The following NSA2 variants were observed in gnomAD, a reference collection of about 807,000 sequenced individuals.
NSA2 encodes ribosome biogenesis protein NSA2 homolog.
In NSA2, 18 loss-of-function variants were observed where a neutral mutation model predicts 34.8. The ratio of observed to expected loss-of-function variants is 0.52; its 90% CI spans 0.36 to 0.77. The LOEUF (loss-of-function observed/expected upper bound fraction) is 0.77, where lower values mean the gene tolerates loss of function less well. Among genes scored for constraint, NSA2 ranks in the 30% least tolerant of loss-of-function variants. The probability of loss-of-function intolerance (pLI) is 0.00; values close to 1 mark genes in which losing one functional copy is unlikely to be tolerated. For missense variants in NSA2, 188 were observed against 314.7 expected (o/e 0.60, Z 3.05); for synonymous variants, 79 against 100.2 (o/e 0.79, Z 1.26).
intron 3 of NSA2, chr5:74,769,593 C>T (rs949842543): frequency 5.3e-6 from 2 of 377,926 alleles, no homozygotes; most frequent in African/African-American, 4.2e-5. Flanking sequence ...AATTAAAAAG[C>T]TGGTAAGGAG....
intron 1 of NSA2, among the ~76,000 whole-genome samples, chr5:74,767,597 GTTTTCTT>G (rs1330420262): frequency 6.6e-6 from 1 of 152,164 alleles, no homozygotes; most frequent in Non-Finnish European, 1.5e-5. Context: ...ACTCTGTCCT[GTTTTCTT>G]TTTTCTTTTT....
chr5:74,771,149 G>C (rs946156972), intron 4 of NSA2, among the ~76,000 whole-genome samples: 1 of 151,524 alleles, frequency 6.6e-6, no homozygotes, highest in Non-Finnish European at 1.5e-5. Context: ...GCGTGGTGGC[G>C]GGCGCCTGTA....
chr5:74,770,351 AC>A lies in NSA2; in HGVS notation c.343-278del, dbSNP rs896810804. On this transcript the variant is annotated intron_variant, in intron 3 of 5. Coordinates refer to ENST00000610426, the MANE Select transcript of NSA2 (RefSeq NM_014886.6). Reference sequence around the variant, plus strand: ...CCATCTAAAAAAAAAAAAAAAAAAAACCACCACATTACAGGTGGTATTTTCT... The same window carrying A: ...CCATCTAAAAAAAAAAAAAAAAAAAACACCACATTACAGGTGGTATTTTCT... 3.6e-4 allele frequency among the ~76,000 whole-genome samples: 55 copies of A among 150,922 alleles called. 1 individual carries two copies. The East Asian group carries it at 8.0e-3, about 22-fold the overall frequency.
intron 2 of NSA2, 26 bp from the exon 3 acceptor site, chr5:74,769,188 C>A (rs755249450): frequency 1.3e-6 from 2 of 1,594,408 alleles, no homozygotes; most frequent in East Asian, 4.5e-5. Flanking sequence ...AACAGATAAT[C>A]TTGAATCTTT....
intron 5 of NSA2, among the ~76,000 whole-genome samples, chr5:74,775,423 T>G (rs1745078365): frequency 6.6e-6 from 1 of 151,942 alleles, no homozygotes; most frequent in South Asian, 2.1e-4. Context: ...GAGACCAGCC[T>G]GGCCAACATG....
chr5:74,772,025 C>G (rs1170278602), intron 4 of NSA2, among the ~76,000 whole-genome samples: 3 of 151,852 alleles, frequency 2.0e-5, no homozygotes, highest in Non-Finnish European at 4.4e-5. Flanking sequence ...TTCAAAGAGA[C>G]TGAACTATTC....
intron 4 of NSA2, among the ~76,000 whole-genome samples, chr5:74,772,279 C>T (rs982849920): frequency 1.3e-5 from 2 of 151,992 alleles, no homozygotes; most frequent in Non-Finnish European, 2.9e-5. Flanking sequence ...TGCCCGCTAC[C>T]ACGCCCGGCT....
intron 1 of NSA2, among the ~76,000 whole-genome samples, chr5:74,768,375 C>A (rs1247398789): frequency 6.6e-6 from 1 of 152,120 alleles, no homozygotes; most frequent in Non-Finnish European, 1.5e-5. Flanking sequence ...TACTGTTGAT[C>A]CCTGTTTCAT....
chr5:74,773,036 C>T (rs901133641), intron 4 of NSA2, among the ~76,000 whole-genome samples: 4 of 152,150 alleles, frequency 2.6e-5, no homozygotes, highest in Non-Finnish European at 4.4e-5. Context: ...CAGTCCACTC[C>T]TTTTTTCATC....
At chr5:74,771,494 T>C (rs1019264458) in intron 4 of NSA2, 1 of 152,008 alleles carries the variant, frequency 6.6e-6, no homozygotes, top group African/African-American at 2.4e-5. Flanking sequence ...AAAACTTGAG[T>C]AGGACTGTTT....
chr5:74,768,940 G>A lies in NSA2; in HGVS notation c.13G>A (p.Glu5Lys). MPQN[E>K]YIELHRKRYG... ...TCTTCCATCATTATAGCCACAGAAT[G>A]AATATATTGAATTACACCGTAAACG... Residue 5 changes from glutamate (E) to lysine (K), a missense_variant, in exon 2 of 6, where the codon GAA (glutamate) becomes AAA (lysine). By Grantham distance (56) the Glu-to-Lys change is moderately conservative (BLOSUM62 1). Transcript: ENST00000610426. 3.2e-6 allele frequency: 5 copies of A among 1,574,076 alleles called. No individual in the cohort carries two copies. Among genetic ancestry groups the A allele is most frequent in the Non-Finnish European group, 4.3e-6 (5 of 1,166,174 alleles).
intron 1 of NSA2, 21 bp from the exon 2 acceptor site, chr5:74,768,910 A>C (rs771941037): frequency 1.3e-6 from 2 of 1,507,622 alleles, no homozygotes; most frequent in East Asian, 4.7e-5. Context: ...AATTAAAATA[A>C]TATTTCTTCC....
In NSA2 at chr5:74,770,771, A is replaced by C; in HGVS notation, c.483A>C (p.Thr161=). The change falls in exon 4 of 6, where the codon ACA becomes ACC. Residue 161 remains threonine, a synonymous_variant. Coordinates refer to ENST00000610426, the MANE Select transcript of NSA2 (RefSeq NM_014886.6). ...TKVCFVGDGF[T]RKPPKYERFI... ...TGTGCTTTGTTGGAGATGGCTTTAC[A>C]AGAAAACCACCTAAATATGAAAGAT... is the stretch of plus-strand genomic sequence containing the variant. The C allele has an allele frequency of 6.2e-7, 1 of 1,611,508 alleles. No individual in the cohort carries two copies. The highest frequency in any genetic ancestry group is 8.5e-7 in the Non-Finnish European group (1 of 1,179,204).
rs1745217394 is a variant in NSA2 at position 74,778,171 on chromosome 5, T to C, written c.*1500T>C. 6.6e-6 allele frequency: 1 copy of C among 152,064 alleles called. No homozygotes were observed. Among genetic ancestry groups the C allele is most frequent in the South Asian group, 2.1e-4 (1 of 4,834 alleles). 9.4% of individuals were successfully genotyped at this position (152,064 alleles called of 1,614,324 possible). A position where few individuals can be genotyped will look rare whatever the true frequency, so the allele number is the denominator to read the frequency against. ...GTAAGGTACAAAGAAAGCTTGATATTAAGTATGAAAACATAAGCATAACAT... is the reference window on the plus strand; with the variant it reads ...GTAAGGTACAAAGAAAGCTTGATATCAAGTATGAAAACATAAGCATAACAT... On this transcript the variant is annotated 3_prime_UTR_variant, in exon 6 of 6. Transcript: ENST00000610426.
chr5:74,769,378 A>C lies in NSA2; in HGVS notation c.342+14A>C. 6.3e-7 allele frequency: 1 copy of C among 1,578,752 alleles called. No individual in the cohort carries two copies. The highest frequency in any genetic ancestry group is 8.6e-7 in the Non-Finnish European group (1 of 1,168,304). ...AAAGAGAAGGCGGTAAGCAATAACAATTGAAGTCTTTGTTTTGTTTAGGAG... is the reference window on the plus strand; with the variant it reads ...AAAGAGAAGGCGGTAAGCAATAACACTTGAAGTCTTTGTTTTGTTTAGGAG... On this transcript the variant is annotated intron_variant, in intron 3 of 5. Coordinates refer to ENST00000610426, the MANE Select transcript of NSA2 (RefSeq NM_014886.6).
rs1745027301 is a variant in NSA2, at chr5:74,773,918, C to G, written c.573C>G (p.Thr191=). ...TAACACATCCTGAACTGAAAGCCAC[C>G]TTTTGCCTACCAATACTTGGTGTAA... ...AHVTHPELKA[T]FCLPILGVKK... The change falls in exon 5 of 6, where the codon ACC becomes ACG. Residue 191 remains threonine, a synonymous_variant. Coordinates refer to ENST00000610426, the MANE Select transcript of NSA2 (RefSeq NM_014886.6). The G allele has an allele frequency of 1.2e-6, 2 of 1,613,898 alleles. No individual in the cohort carries two copies. The highest frequency in any genetic ancestry group is 3.3e-5 in the Admixed American group (2 of 60,002).
chr5:74,773,735 T>TA, intron 4 of NSA2, 133 bp from the exon 5 acceptor site: 1 of 658,272 alleles, frequency 1.5e-6, no homozygotes, highest in Non-Finnish European at 2.5e-6. Flanking sequence ...CATATTTTGT[T>TA]AGCTTCTTTA....
intron 3 of NSA2, 96 bp downstream of exon 3, chr5:74,769,460 G>A (rs1449546320): frequency 2.1e-5 from 21 of 1,004,884 alleles, no homozygotes; most frequent in Non-Finnish European, 2.9e-5. Flanking sequence ...CAAACATGAA[G>A]TACAGCTATT....
intron 4 of NSA2, among the ~76,000 whole-genome samples, chr5:74,772,892 T>C (rs1356148340): frequency 1.3e-5 from 2 of 152,142 alleles, no homozygotes; most frequent in African/African-American, 4.8e-5. Context: ...GACTGCAAAA[T>C]GTTGTGACGT....
Sources: gnomAD v4.1 joint callset for allele counts (sites outside exome capture counted in the v4.1 genomes callset) on GRCh38, gnomAD v4.1.1 for gene constraint, MANE v1.5 for transcripts, NCBI Gene and HGNC (gene_info 2026-07-23, HGNC 2026-07-21) for gene names.